UBE2W: variants seen among roughly 807,000 people sequenced by gnomAD.
UBE2W encodes the protein ubiquitin conjugating enzyme E2 W.
Under a neutral mutation model 27.2 loss-of-function variants are expected in UBE2W, and 18 were observed. That is an observed-to-expected ratio of 0.66 (90% CI 0.46 to 0.98). The LOEUF is 0.98. UBE2W is among the 50% of genes least tolerant of loss of function. The pLI, the probability that UBE2W is intolerant of heterozygous loss-of-function variation, is 0.00. For missense variants in UBE2W, 90 were observed against 180.2 expected (o/e 0.50, Z 2.87); for synonymous variants, 53 against 57.2 (o/e 0.93, Z 0.33).
At chr8:73,828,924 G>T (rs1411154889) in intron 2 of UBE2W, among the ~76,000 whole-genome samples, 2 of 151,590 alleles carry the variant, frequency 1.3e-5, no homozygotes, top group Non-Finnish European at 1.5e-5. Flanking sequence ...CCTCGTTATG[G>T]ATCTTCCACA....
chr8:73,868,459 G>T (rs1360266893), intron 1 of UBE2W, among the ~76,000 whole-genome samples: 1 of 152,134 alleles, frequency 6.6e-6, no homozygotes, highest in East Asian at 1.9e-4. Flanking sequence ...ATTAGCAATT[G>T]TGAGTATACT....
intron 3 of UBE2W, among the ~76,000 whole-genome samples, chr8:73,819,059 G>C (rs1809505070): frequency 6.6e-6 from 1 of 152,100 alleles, no homozygotes; most frequent in Non-Finnish European, 1.5e-5. Context: ...ACATATTCCA[G>C]ATTTAGAGCC....
chr8:73,816,915 T>A (rs1809411725), intron 3 of UBE2W, among the ~76,000 whole-genome samples: 1 of 151,908 alleles, frequency 6.6e-6, no homozygotes, highest in African/African-American at 2.4e-5. Context: ...GCGCCTGTAA[T>A]CCCAGCTACT....
chr8:73,799,893 T>C (rs1442611844), intron 5 of UBE2W, among the ~76,000 whole-genome samples: 2 of 152,124 alleles, frequency 1.3e-5, no homozygotes, highest in Admixed American at 6.6e-5. Flanking sequence ...CAAGAGTCCA[T>C]ATGTCTTGGT....
chr8:73,825,264 GC>G lies in UBE2W; in HGVS notation c.108-16del. 1 of 1,530,064 alleles carries G rather than the reference GC, an allele frequency of 6.5e-7. No homozygotes were observed. Among genetic ancestry groups the G allele is most frequent in the Non-Finnish European group, 8.8e-7 (1 of 1,134,972 alleles). 94.8% of individuals were successfully genotyped at this position (1,530,064 alleles called of 1,614,324 possible). A position where few individuals can be genotyped will look rare whatever the true frequency, so the allele number is the denominator to read the frequency against. On this transcript the variant is annotated splice_polypyrimidine_tract_variant and intron_variant, in intron 2 of 5. Coordinates refer to ENST00000602593, the MANE Select transcript of UBE2W (RefSeq NM_018299.6). The stretch of plus-strand genomic sequence containing the variant: ...CTACAATCCACCTAGAATAGAAAAG[GC>G]AAATTAAAAACTTAAGATAATAGAG...
At position 73,805,454 on chromosome 8, in the gene UBE2W, C is replaced by CAAAAAAAAAAAAAAAAA. The variant is rs1162712227; in HGVS notation, c.442+180_442+196dup. ...GGGCAACAAGAGCAAAACTCCATCT[C>CAAAAAAAAAAAAAAAAA]AAAAAAAAAAAAAAAAACAAAAAAA... On this transcript the variant is annotated intron_variant, in intron 5 of 5. Transcript: ENST00000602593. Among the ~76,000 whole-genome samples the CAAAAAAAAAAAAAAAAA allele has an allele frequency of 3.4e-3, 49 of 14,572 alleles. 7 individuals are homozygous for CAAAAAAAAAAAAAAAAA. Among genetic ancestry groups the CAAAAAAAAAAAAAAAAA allele is most frequent in the Admixed American group, 5.6e-3 (4 of 718 alleles). The allele number at this position is 14,572 out of a possible 152,430, so 9.6% of individuals were successfully genotyped here. A position where few individuals can be genotyped will look rare whatever the true frequency, so the allele number is the denominator to read the frequency against.
At chr8:73,848,719 T>C (rs1031825753) in intron 1 of UBE2W, among the ~76,000 whole-genome samples, 1 of 151,992 alleles carries the variant, frequency 6.6e-6, no homozygotes, top group Non-Finnish European at 1.5e-5. Context: ...GAAATCAGGA[T>C]GTGATTACCT....
intron 5 of UBE2W, among the ~76,000 whole-genome samples, chr8:73,801,333 T>A (rs529484193): frequency 6.6e-6 from 1 of 151,884 alleles, no homozygotes; most frequent in East Asian, 1.9e-4. Flanking sequence ...GAGTAGTAAA[T>A]AAGGAAAAAA....
At chr8:73,814,720 A>T (rs550702915) in intron 3 of UBE2W, among the ~76,000 whole-genome samples, 1 of 152,040 alleles carries the variant, frequency 6.6e-6, no homozygotes, top group Non-Finnish European at 1.5e-5. Context: ...GGGTTTTACT[A>T]TATGTTGGCC....
At chr8:73,826,845 T>C (rs1476317393) in intron 2 of UBE2W, among the ~76,000 whole-genome samples, 1 of 152,190 alleles carries the variant, frequency 6.6e-6, no homozygotes, top group Non-Finnish European at 1.5e-5. Context: ...CCTACATACG[T>C]AAAAAACCTA....
chr8:73,840,060 C>CT (rs201831079), intron 1 of UBE2W, among the ~76,000 whole-genome samples: 8 of 150,114 alleles, frequency 5.3e-5, no homozygotes, highest in Admixed American at 2.7e-4. Flanking sequence ...TTTTTCTTTT[C>CT]TTTTTTTTCC....
chr8:73,796,861 A>G (rs968549604), intron 5 of UBE2W, among the ~76,000 whole-genome samples: 1 of 150,236 alleles, frequency 6.7e-6, no homozygotes. Context: ...ATTGGATACC[A>G]GGACAAACTC....
intron 3 of UBE2W, among the ~76,000 whole-genome samples, chr8:73,819,589 CA>C (rs2130888777): frequency 1.3e-5 from 2 of 152,258 alleles, no homozygotes; most frequent in East Asian, 3.9e-4. Context: ...AGAATATGTA[CA>C]TAGAAAGCTA....
chr8:73,835,552 G>A (rs1217922212), intron 1 of UBE2W, among the ~76,000 whole-genome samples: 1 of 152,184 alleles, frequency 6.6e-6, no homozygotes, highest in African/African-American at 2.4e-5. Context: ...GGACCAGCCT[G>A]ACTAATATGG....
chr8:73,787,561 G>A lies in UBE2W; in HGVS notation c.*6541C>T. 5 of 985,408 alleles carry A rather than the reference G, an allele frequency of 5.1e-6. No homozygotes were observed. Among genetic ancestry groups the A allele is most frequent in the South Asian group, 4.7e-5 (1 of 21,296 alleles). The allele number at this position is 985,408 out of a possible 1,614,324, so 61.0% of individuals were successfully genotyped here. ...TATGGCAGAATGGCTGCCTCAATGA[G>A]GACTAAGGTGCTCCTGGGGCAAGCA... On this transcript the variant is annotated 3_prime_UTR_variant, in exon 6 of 6. Transcript: ENST00000602593.
Position 73,790,579 on chromosome 8 carries a change from A to G in UBE2W, c.*3523T>C, listed in dbSNP as rs1007722165. 1.5e-4 allele frequency: 145 copies of G among 984,904 alleles called. No homozygotes were observed. Among genetic ancestry groups the G allele is most frequent in the Non-Finnish European group, 1.7e-4 (142 of 829,536 alleles). 61.0% of individuals were successfully genotyped at this position (984,904 alleles called of 1,614,324 possible). On this transcript the variant is annotated 3_prime_UTR_variant, in exon 6 of 6. Coordinates refer to ENST00000602593, the MANE Select transcript of UBE2W (RefSeq NM_018299.6). ...AAATTAATGAAAGTGAGATCAAGAA[A>G]TATAAGCAGCAGTAACCATAAAGGC...
intron 1 of UBE2W, among the ~76,000 whole-genome samples, chr8:73,863,123 G>C (rs1281002804): frequency 1.4e-5 from 2 of 141,364 alleles, no homozygotes; most frequent in Non-Finnish European, 3.0e-5. Context: ...AAAGACACAT[G>C]CACACGTATG....
chr8:73,848,049 C>A (rs1425972996), intron 1 of UBE2W, among the ~76,000 whole-genome samples: 2 of 150,502 alleles, frequency 1.3e-5, no homozygotes, highest in Non-Finnish European at 1.5e-5. Flanking sequence ...TAAAAATACA[C>A]AATTAGCTGG....
In UBE2W at chr8:73,860,832, A is replaced by G. The variant is rs1281506036; in HGVS notation, c.15+17976T>C. Among the ~76,000 whole-genome samples, 3 of 152,202 alleles carry G rather than the reference A, an allele frequency of 2.0e-5. No homozygotes were observed. In the East Asian group the frequency reaches 5.8e-4, roughly 29 times the overall value. ...AGACAGGGAGCTATCAAAACAGCCC[A>G]AAATTCAAAATGAAAGTTCAGGCTA... On this transcript the variant is annotated intron_variant, in intron 1 of 5. Coordinates refer to ENST00000602593, the MANE Select transcript of UBE2W (RefSeq NM_018299.6).
Sources: gnomAD v4.1 joint callset for allele counts (sites outside exome capture counted in the v4.1 genomes callset) on GRCh38, gnomAD v4.1.1 for gene constraint, MANE v1.5 for transcripts, NCBI Gene and HGNC (gene_info 2026-07-23, HGNC 2026-07-21) for gene names.